Variants in TAPT1 observed in about 807,000 individuals in gnomAD.
TAPT1 encodes transmembrane anterior posterior transformation 1.
In TAPT1, 28 loss-of-function variants were observed where a neutral mutation model predicts 65.6. The ratio of observed to expected loss-of-function variants is 0.43; its 90% confidence interval spans 0.32 to 0.59. The LOEUF (loss-of-function observed/expected upper bound fraction) is 0.59. TAPT1 is among the 20% of genes least tolerant of loss of function. The probability of loss-of-function intolerance (pLI) is 0.09; values close to 1 mark genes in which losing one functional copy is unlikely to be tolerated. For missense variants in TAPT1, 563 were observed against 679.9 expected (o/e 0.83, Z 1.91); for synonymous variants, 278 against 245.2 (o/e 1.13, Z -1.25).
chr4:16,166,502 C>A, intron 13 of TAPT1, 131 bp downstream of exon 13: 1 of 1,100,010 alleles, frequency 9.1e-7, no homozygotes, highest in Non-Finnish European at 1.3e-6. Context: ...AAATCTAAAA[C>A]ACAACCATTA....
rs1291216836 is a variant in TAPT1 at position 16,162,366 on chromosome 4, C to G, written c.*942G>C. ...GCCCAAGCAAGATGATGCTGTCTAA[C>G]ACACTTGGAGCATTTACTTTACAGT... On this transcript the variant is annotated 3_prime_UTR_variant, in exon 14 of 14. Coordinates refer to ENST00000405303, the MANE Select transcript of TAPT1 (RefSeq NM_153365.3). 2 of 152,918 alleles carry G rather than the reference C, an allele frequency of 1.3e-5. No homozygotes were observed. Among genetic ancestry groups the G allele is most frequent in the African/African-American group, 4.8e-5 (2 of 41,444 alleles). 9.5% of individuals were successfully genotyped at this position (152,918 alleles called of 1,614,324 possible).
chr4:16,177,431 G>T (rs1748403042), intron 8 of TAPT1, among the ~76,000 whole-genome samples: 1 of 152,198 alleles, frequency 6.6e-6, no homozygotes, highest in African/African-American at 2.4e-5. Flanking sequence ...CAAGACTCAG[G>T]TAGCCGGAAG....
intron 1 of TAPT1, chr4:16,225,837 C>A: frequency 1.0e-6 from 1 of 979,476 alleles, no homozygotes. Flanking sequence ...GTTTCTATGG[C>A]TCAAGTTTGC....
chr4:16,176,216 AC>A lies in TAPT1; in HGVS notation c.1009del (p.Val337CysfsTer9). 6.5e-7 allele frequency: 1 copy of A among 1,549,908 alleles called. No homozygotes were observed. The highest frequency in any genetic ancestry group is 8.7e-7 in the Non-Finnish European group (1 of 1,144,876). ...QFSWNPDHLWVLFPDVCMVIA... is the reference protein window; with the variant it reads ...QFSWNPDHLWXLFPDVCMVIA... ...TACCATACAGACATCTGGAAACAACACCCAGAGATGATCTGTAAATAGAAAA... is the reference window on the plus strand; with the variant it reads ...TACCATACAGACATCTGGAAACAACACCAGAGATGATCTGTAAATAGAAAA... On this transcript the variant is annotated frameshift_variant, in exon 9 of 14. Transcript: ENST00000405303. LOFTEE classifies it high-confidence loss of function.
At chr4:16,213,498 T>G in intron 2 of TAPT1, among the ~76,000 whole-genome samples, 1 of 152,190 alleles carries the variant, frequency 6.6e-6, no homozygotes, top group Non-Finnish European at 1.5e-5. Flanking sequence ...AGAGATTAAT[T>G]CCTTACAAAA....
chr4:16,215,845 T>C (rs1750911856), intron 1 of TAPT1, among the ~76,000 whole-genome samples: 1 of 152,196 alleles, frequency 6.6e-6, no homozygotes, highest in Non-Finnish European at 1.5e-5. Context: ...GAACAAGATC[T>C]GCTCTTTCAA....
chr4:16,221,518 T>C (rs1206592339), intron 1 of TAPT1, among the ~76,000 whole-genome samples: 1 of 152,186 alleles, frequency 6.6e-6, no homozygotes, highest in Non-Finnish European at 1.5e-5. Context: ...TATAAATTGC[T>C]TTTTCTTCAC....
At chr4:16,223,662 A>G (rs1255536463) in intron 1 of TAPT1, among the ~76,000 whole-genome samples, 4 of 152,256 alleles carry the variant, frequency 2.6e-5, no homozygotes, top group Non-Finnish European at 5.9e-5. Flanking sequence ...AAGAAAGCTT[A>G]GACTTAATGG....
upstream of TAPT1, chr4:16,226,499 C>T (rs1751577032): frequency 1.9e-6 from 2 of 1,031,758 alleles, no homozygotes; most frequent in Non-Finnish European, 1.2e-6. Flanking sequence ...TCCCTCCAGC[C>T]TCTGCCTCCG....
chr4:16,189,406 G>A (rs999610886), intron 4 of TAPT1, among the ~76,000 whole-genome samples: 2 of 152,192 alleles, frequency 1.3e-5, no homozygotes, highest in Non-Finnish European at 2.9e-5. Context: ...TGAGTCTTCA[G>A]GGTCTAAGAT....
intron 12 of TAPT1, among the ~76,000 whole-genome samples, chr4:16,167,151 C>T (rs1052566173): frequency 8.6e-5 from 13 of 151,872 alleles, no homozygotes; most frequent in African/African-American, 3.1e-4. Context: ...CCGCCACCAC[C>T]CCCGGCTATT....
rs181668496 is a variant in TAPT1, at chr4:16,174,593, G to A, written c.1167+77C>T. 339 of 1,295,586 alleles carry A rather than the reference G, an allele frequency of 2.6e-4. 1 individual carries two copies. In the African/African-American group the frequency reaches 4.6e-3, roughly 17 times the overall value. The allele number at this position is 1,295,586 out of a possible 1,614,324, so 80.3% of individuals were successfully genotyped here. A position where few individuals can be genotyped will look rare whatever the true frequency, so the allele number is the denominator to read the frequency against. The stretch of plus-strand genomic sequence containing the variant: ...AGCTTTCCTTTAGTTAATATTTCAT[G>A]CTAAATTAATCATTATTCAGTTAAT... On this transcript the variant is annotated intron_variant, in intron 10 of 13. Transcript: ENST00000405303.
At chr4:16,207,150 G>C (rs948474899) in intron 2 of TAPT1, among the ~76,000 whole-genome samples, 1 of 152,226 alleles carries the variant, frequency 6.6e-6, no homozygotes, top group Non-Finnish European at 1.5e-5. Flanking sequence ...TGTGTCACCA[G>C]CAAGAGCTGC....
chr4:16,173,458 G>C (rs944441840), intron 11 of TAPT1, among the ~76,000 whole-genome samples: 16 of 151,216 alleles, frequency 1.1e-4, no homozygotes, highest in Admixed American at 2.0e-4. Context: ...TTGCTCTTTC[G>C]CCCAGGCTGG....
At chr4:16,210,413 T>C (rs1750588893) in intron 2 of TAPT1, among the ~76,000 whole-genome samples, 1 of 152,228 alleles carries the variant, frequency 6.6e-6, no homozygotes, top group Admixed American at 6.5e-5. Flanking sequence ...CTATCCCTAC[T>C]GCAAAGAAAA....
At chr4:16,175,153 A>C (rs1287439629) in intron 9 of TAPT1, 2 of 152,362 alleles carry the variant, frequency 1.3e-5, no homozygotes, top group Admixed American at 1.3e-4. Flanking sequence ...CATAAAACTA[A>C]GTTAGGGAAC....
intron 1 of TAPT1, among the ~76,000 whole-genome samples, chr4:16,216,673 T>G (rs1449318514): frequency 6.6e-6 from 1 of 152,138 alleles, no homozygotes; most frequent in Non-Finnish European, 1.5e-5. Flanking sequence ...TACCAATTCT[T>G]CCTTTAAAAC....
intron 7 of TAPT1, among the ~76,000 whole-genome samples, chr4:16,181,147 C>T (rs10516296): frequency 0.094 from 14,239 of 152,260 alleles, 2,108 homozygotes; most frequent in African/African-American, 0.31. Context: ...TTTGTTACTA[C>T]AGCTAACTGT....
At chr4:16,176,461 C>T (rs1449937874) in intron 8 of TAPT1, 3 of 272,792 alleles carry the variant, frequency 1.1e-5, no homozygotes, top group African/African-American at 2.2e-5. Flanking sequence ...GCCTGTAATC[C>T]CAGCATTTTG....
Sources: gnomAD v4.1 joint callset for allele counts (sites outside exome capture counted in the v4.1 genomes callset) on GRCh38, gnomAD v4.1.1 for gene constraint, MANE v1.5 for transcripts, NCBI Gene and HGNC (gene_info 2026-07-23, HGNC 2026-07-21) for gene names.